The following ABCA13 variants were observed in gnomAD, a reference collection of about 807,000 sequenced individuals.
ABCA13 encodes the protein ATP binding cassette subfamily A member 13.
A neutral mutation model predicts 478.7 loss-of-function variants in ABCA13; 476 were observed. The ratio of observed to expected loss-of-function variants is 0.99; its 90% CI spans 0.92 to 1.07. The LOEUF is 1.07. Ranked by LOEUF, ABCA13 falls within the 50% of genes least tolerant of loss-of-function variation. The pLI is 0.00. For missense variants in ABCA13, 6,060 were observed against 5,910.6 expected, an observed-to-expected ratio of 1.03 and a Z score of -0.83; for synonymous variants, 2,252 against 2,158.9, an observed-to-expected ratio of 1.04 and a Z score of -1.20.
intron 55 of ABCA13, among the ~76,000 whole-genome samples, chr7:48,529,037 A>G (rs184298474): frequency 3.9e-5 from 6 of 152,204 alleles, no homozygotes; most frequent in Non-Finnish European, 5.9e-5. Context: ...ACCTCCTTCT[A>G]AACTGTGTGC....
intron 55 of ABCA13, among the ~76,000 whole-genome samples, chr7:48,574,325 C>T (rs1379640969): frequency 6.6e-6 from 1 of 152,104 alleles, no homozygotes; most frequent in African/African-American, 2.4e-5. Flanking sequence ...TCTATTTTTA[C>T]ATTTCCGGAG....
intron 45 of ABCA13, among the ~76,000 whole-genome samples, chr7:48,472,789 C>G (rs1827644538): frequency 1.3e-5 from 2 of 152,140 alleles, no homozygotes; most frequent in African/African-American, 4.8e-5. Flanking sequence ...GTCCCCACCC[C>G]ATCTGTTTAG....
At chr7:48,482,875 C>T (rs755436700) in intron 46 of ABCA13, among the ~76,000 whole-genome samples, 37 of 152,350 alleles carry the variant, frequency 2.4e-4, no homozygotes, top group African/African-American at 7.0e-4. Context: ...CAGTGCCTTC[C>T]GTTTTGCCTG....
At chr7:48,305,565 G>A (rs2128869033) in intron 23 of ABCA13, among the ~76,000 whole-genome samples, 1 of 152,204 alleles carries the variant, frequency 6.6e-6, no homozygotes, top group East Asian at 1.9e-4. Flanking sequence ...TTCCCTTCCG[G>A]TCACAACTGA....
intron 15 of ABCA13, among the ~76,000 whole-genome samples, chr7:48,260,598 T>C (rs1002017893): frequency 2.0e-5 from 3 of 152,080 alleles, no homozygotes; most frequent in Non-Finnish European, 4.4e-5. Context: ...TTAATAATTG[T>C]CTCATGATTT....
At chr7:48,623,862 A>G (rs1534394) in intron 59 of ABCA13, among the ~76,000 whole-genome samples, 37,862 of 151,988 alleles carry the variant, frequency 0.25, 5,211 homozygotes, top group Middle Eastern at 0.37. Flanking sequence ...GAAGATAGGG[A>G]TCATGGTTGT....
intron 48 of ABCA13, among the ~76,000 whole-genome samples, chr7:48,499,228 G>T (rs1043520575): frequency 6.6e-6 from 1 of 152,112 alleles, no homozygotes; most frequent in African/African-American, 2.4e-5. Context: ...GTAGTCAGAA[G>T]AACGCATATA....
Position 48,272,446 on chromosome 7 carries a change from C to T in ABCA13, c.2780C>T (p.Ser927Phe), listed in dbSNP as rs1286149893. The T allele has an allele frequency of 6.2e-7, 1 of 1,613,640 alleles. No individual in the cohort carries two copies. The highest frequency in any genetic ancestry group is 2.2e-5 in the East Asian group (1 of 44,880). Residue 927 changes from serine (S) to phenylalanine (F), a missense_variant, in exon 17 of 62, where the codon TCT (serine) becomes TTT (phenylalanine). Ser to Phe is a radical substitution (Grantham distance 155). Transcript: ENST00000435803. ...LNTVYAIRNA[S>F]DLFSALSEPQ... ...ACAGTCTACGCTATCAGGAATGCAT[C>T]TGATCTTTTCTCAGCCCTTTCTGAA...
chr7:48,328,815 C>T (rs188781304), intron 27 of ABCA13, among the ~76,000 whole-genome samples: 310 of 151,858 alleles, frequency 2.0e-3, no homozygotes, highest in Admixed American at 3.7e-3. Flanking sequence ...AATGCAAATC[C>T]CCAAAATGAG....
At chr7:48,223,550 G>A (rs1400236281) in intron 5 of ABCA13, among the ~76,000 whole-genome samples, 1 of 152,136 alleles carries the variant, frequency 6.6e-6, no homozygotes, top group Non-Finnish European at 1.5e-5. Flanking sequence ...CATGTAAGAA[G>A]AGGATGGAGA....
At chr7:48,432,778 A>G (rs1023128960) in intron 42 of ABCA13, among the ~76,000 whole-genome samples, 1 of 152,120 alleles carries the variant, frequency 6.6e-6, no homozygotes, top group African/African-American at 2.4e-5. Context: ...AGTTGAAATC[A>G]TAGAAATGGA....
rs1302345463 is a variant in ABCA13 at position 48,278,899 on chromosome 7, C to A, written c.7705C>A (p.Leu2569Ile). ...YSIMQQSVQN[L>I]VKEIATLKKI... is the part of the protein sequence containing the mutation. ...CATCATGCAACAAAGTGTTCAAAAT[C>A]TTGTGAAAGAAATAGCTACTTTAAA... Residue 2569 changes from leucine to isoleucine, a missense_variant, in exon 18 of 62, where the codon CTT becomes ATT. Transcript: ENST00000435803. 2 of 1,613,198 alleles carry A rather than the reference C, an allele frequency of 1.2e-6. No individual in the cohort carries two copies. The highest frequency in any genetic ancestry group is 2.2e-5 in the South Asian group (2 of 91,076).
Position 48,372,442 on chromosome 7 carries a change from A to G in ABCA13, c.11078A>G (p.Tyr3693Cys), listed in dbSNP as rs1812778526. The change falls in exon 33 of 62, where the codon TAC (tyrosine) becomes TGC (cysteine). Residue 3693 changes from tyrosine to cysteine, a missense_variant. Around this residue, in one of 3 missense-constraint regions of ABCA13, gnomAD observed 4,423 missense variants for 4,309.1 expected, o/e 1.03. Transcript: ENST00000435803. ...SLVYMISFLP[Y>C]IVLLVLHNQL... Reference sequence around the variant, plus strand: ...GTGTACATGATCAGCTTTCTGCCCTACATAGTTCTATTGGTTCTACATAAC... The same window carrying G: ...GTGTACATGATCAGCTTTCTGCCCTGCATAGTTCTATTGGTTCTACATAAC... 1 of 1,613,254 alleles carries G rather than the reference A, an allele frequency of 6.2e-7. No individual in the cohort carries two copies. Among genetic ancestry groups the G allele is most frequent in the Non-Finnish European group, 8.5e-7 (1 of 1,179,650 alleles).
At chr7:48,575,184 T>G (rs1788046783) in intron 55 of ABCA13, among the ~76,000 whole-genome samples, 1 of 152,150 alleles carries the variant, frequency 6.6e-6, no homozygotes, top group Admixed American at 6.6e-5. Context: ...AATCTTGCTC[T>G]CTTTAGAAGA....
At chr7:48,423,001 G>A (rs1051555791) in intron 41 of ABCA13, among the ~76,000 whole-genome samples, 1 of 152,188 alleles carries the variant, frequency 6.6e-6, no homozygotes, top group Non-Finnish European at 1.5e-5. Flanking sequence ...CCCATATTAG[G>A]CTTCTGACCC....
chr7:48,462,542 T>C (rs1826377138), intron 43 of ABCA13, among the ~76,000 whole-genome samples: 1 of 151,664 alleles, frequency 6.6e-6, no homozygotes, highest in African/African-American at 2.4e-5. Context: ...AGGGTCTCAC[T>C]CTGTTGACCA....
chr7:48,296,103 G>C (rs2128832092), intron 21 of ABCA13, among the ~76,000 whole-genome samples: 1 of 152,296 alleles, frequency 6.6e-6, no homozygotes, highest in South Asian at 2.1e-4. Flanking sequence ...ATATAAGAAT[G>C]TAATCCACAA....
At chr7:48,419,529 G>T (rs1007565164) in intron 41 of ABCA13, among the ~76,000 whole-genome samples, 11 of 149,728 alleles carry the variant, frequency 7.3e-5, no homozygotes, top group Admixed American at 7.3e-4. Flanking sequence ...CTTCTGAAAA[G>T]AGTAATTCTT....
chr7:48,561,341 A>C (rs1391438264), intron 55 of ABCA13, among the ~76,000 whole-genome samples: 1 of 152,074 alleles, frequency 6.6e-6, no homozygotes. Context: ...CATAATGTTT[A>C]TACTAATACA....
Sources: gnomAD v4.1 joint callset for allele counts (sites outside exome capture counted in the v4.1 genomes callset) on GRCh38, gnomAD v4.1.1 for gene constraint, gnomAD v4.1.1 regional missense constraint, MANE v1.5 for transcripts, NCBI Gene and HGNC (gene_info 2026-07-23, HGNC 2026-07-21) for gene names.